NLRC4: variants seen among roughly 807,000 people sequenced by gnomAD.
NLRC4 encodes the protein NLR family CARD domain containing 4.
A neutral mutation model predicts 79.9 loss-of-function variants in NLRC4; 63 were observed. The ratio of observed to expected loss-of-function variants is 0.79; its 90% CI spans 0.64 to 0.97. The LOEUF is 0.97. NLRC4 is among the 50% of genes least tolerant of loss of function. NLRC4 has a pLI of 0.00. For missense variants in NLRC4, 1,074 were observed against 1,215.2 expected, an observed-to-expected ratio of 0.88 and a Z score of 1.73; for synonymous variants, 461 against 456.5, an observed-to-expected ratio of 1.01 and a Z score of -0.12.
chr2:32,240,709 C>A (rs1217031038), intron 5 of NLRC4, among the ~76,000 whole-genome samples: 2 of 151,974 alleles, frequency 1.3e-5, no homozygotes, highest in East Asian at 1.9e-4. Context: ...TGTTTCTATG[C>A]AACTATGAAA....
chr2:32,255,616 T>C lies in NLRC4; in HGVS notation c.1+1159A>G, dbSNP rs373020375. ...AGCCTAGCCTTCCTGAGACTACCTT[T>C]CTTCACCTATAAAATGAAGACACGT... On this transcript the variant is annotated intron_variant, in intron 2 of 8. Transcript: ENST00000402280. 1.6e-4 allele frequency among the ~76,000 whole-genome samples: 24 copies of C among 152,174 alleles called. No individual in the cohort carries two copies. In the South Asian group the frequency reaches 4.2e-3, roughly 26 times the overall value.
intron 4 of NLRC4, 148 bp downstream of exon 4, chr2:32,249,459 T>G (rs1452702586): frequency 1.5e-6 from 1 of 680,038 alleles, no homozygotes; most frequent in African/African-American, 1.8e-5. Flanking sequence ...TGGTCTTGGT[T>G]GGAGGCATGT....
In NLRC4 at chr2:32,252,578, G is replaced by A. The variant is rs554864659; in HGVS notation, c.103C>T (p.Arg35Cys). 5 of 1,614,108 alleles carry A rather than the reference G, an allele frequency of 3.1e-6. No homozygotes were observed. The highest frequency in any genetic ancestry group is 2.2e-5 in the East Asian group (1 of 44,884). Reference protein sequence around the residue: ...DDLFVWNVLNREEVNIICCEK... With the variant: ...DDLFVWNVLNCEEVNIICCEK... ...CAGCAAATGATGTTTACTTCTTCGC[G>A]ATTCAGAACATTCCATACAAATAGG... The change falls in exon 3 of 9, where the codon CGC (arginine) becomes TGC (cysteine). Residue 35 changes from arginine to cysteine, a missense_variant. Transcript: ENST00000402280.
Position 32,249,503 on chromosome 2 carries a change from G to A in NLRC4, c.2257+104C>T, listed in dbSNP as rs894119516. 5.7e-5 allele frequency: 57 copies of A among 991,430 alleles called. No homozygotes were observed. The African/African-American group carries it at 8.6e-4, about 15-fold the overall frequency. The allele number at this position is 991,430 out of a possible 1,614,324, so 61.4% of individuals were successfully genotyped here. ...CTGTGGGATGGCCACCTTGCAGGCT[G>A]TAACCCTTTAGAAGAAATAAAGTCT... On this transcript the variant is annotated intron_variant, in intron 4 of 8. Coordinates refer to ENST00000402280, the MANE Select transcript of NLRC4 (RefSeq NM_001199138.2).
At chr2:32,260,172 T>G (rs1687306501) in intron 1 of NLRC4, among the ~76,000 whole-genome samples, 1 of 122,974 alleles carries the variant, frequency 8.1e-6, no homozygotes, top group African/African-American at 3.2e-5. Context: ...GAGGTTGCAG[T>G]GAGCCAAGAT....
chr2:32,247,198 G>A (rs1242237059), intron 4 of NLRC4, among the ~76,000 whole-genome samples: 1 of 152,222 alleles, frequency 6.6e-6, no homozygotes, highest in Non-Finnish European at 1.5e-5. Flanking sequence ...AAGACTTGAA[G>A]TAGGGCAGGG....
chr2:32,243,752 C>G (rs976541770), intron 4 of NLRC4, among the ~76,000 whole-genome samples: 6 of 148,692 alleles, frequency 4.0e-5, no homozygotes, highest in African/African-American at 1.5e-4. Flanking sequence ...GAGCCGAGAT[C>G]GCATCATTGC....
chr2:32,238,619 C>T (rs1332563687), intron 5 of NLRC4, among the ~76,000 whole-genome samples: 1 of 151,754 alleles, frequency 6.6e-6, no homozygotes, highest in Admixed American at 6.6e-5. Flanking sequence ...TGAATGAAGT[C>T]TTCTAGAGCA....
Position 32,235,411 on chromosome 2 carries a change from A to G in NLRC4, c.2772T>C (p.Ile924=), listed in dbSNP as rs1368779722. The part of the protein sequence containing the change: ...LKNWRLTDTE[I]RILGAFFGKN... ...TATGTGTGTACCTACCTAAAATTCTAATCTCTGTATCTGTGAGTCTCCAGT... is the reference window on the plus strand; with the variant it reads ...TATGTGTGTACCTACCTAAAATTCTGATCTCTGTATCTGTGAGTCTCCAGT... The change falls in exon 8 of 9, where the codon ATT becomes ATC. Residue 924 remains isoleucine (I), a synonymous_variant. Coordinates refer to ENST00000402280, the MANE Select transcript of NLRC4 (RefSeq NM_001199138.2). The G allele has an allele frequency of 2.5e-6, 4 of 1,613,768 alleles. No homozygotes were observed. Among genetic ancestry groups the G allele is most frequent in the Admixed American group, 1.7e-5 (1 of 60,028 alleles).
intron 4 of NLRC4, among the ~76,000 whole-genome samples, chr2:32,246,380 A>C (rs927466891): frequency 6.6e-6 from 1 of 152,180 alleles, no homozygotes; most frequent in African/African-American, 2.4e-5. Context: ...TGACACCCAG[A>C]ATCTTACAGA....
chr2:32,257,433 C>A (rs1166819236), intron 1 of NLRC4, among the ~76,000 whole-genome samples: 1 of 151,920 alleles, frequency 6.6e-6, no homozygotes, highest in Non-Finnish European at 1.5e-5. Flanking sequence ...CATGGTGAAT[C>A]CTGTCTCTAT....
chr2:32,253,910 G>T (rs1032131073), intron 2 of NLRC4, among the ~76,000 whole-genome samples: 2 of 147,170 alleles, frequency 1.4e-5, no homozygotes, highest in African/African-American at 5.1e-5. Flanking sequence ...GTTGCGGTGA[G>T]CCGAGATGGT....
rs149060938 is a variant in NLRC4 at position 32,239,484 on chromosome 2, G to C, written c.2351-1182C>G. Among the ~76,000 whole-genome samples the C allele has an allele frequency of 1.8e-3, 279 of 152,106 alleles. 2 individuals are homozygous for C. Among genetic ancestry groups the C allele is most frequent in the African/African-American group, 6.5e-3 (270 of 41,484 alleles). On this transcript the variant is annotated intron_variant, in intron 5 of 8. Coordinates refer to ENST00000402280, the MANE Select transcript of NLRC4 (RefSeq NM_001199138.2). ...AGCATGAGCTTTGCAGTCAGTTCCT[G>C]GATCCCCTACTTAATAATTATAAAC...
Position 32,250,524 on chromosome 2 carries a change from T to G in NLRC4, c.1340A>C (p.Gln447Pro). 1 of 1,614,240 alleles carries G rather than the reference T, an allele frequency of 6.2e-7. No homozygotes were observed. Among genetic ancestry groups the G allele is most frequent in the Non-Finnish European group, 8.5e-7 (1 of 1,180,042 alleles). Residue 447 changes from glutamine (Q) to proline (P), a missense_variant, in exon 4 of 9, where the codon CAG (glutamine) becomes CCG (proline). Transcript: ENST00000402280. This position sits in a 1 kb window ranked among gnomAD's most constrained non-coding sequence, Gnocchi z 4.9. ...GAGTCTTCGTCCTGCTGTGTACTCC[T>G]GGAATGACTTGTGAAAGAATTTATA... ...PKYKFFHKSF[Q>P]EYTAGRRLSS...
At chr2:32,224,874 A>G in intron 8 of NLRC4, 109 bp from the exon 9 acceptor site, 1 of 645,666 alleles carries the variant, frequency 1.5e-6, no homozygotes, top group Non-Finnish European at 2.6e-6. Flanking sequence ...TGAAATGGCC[A>G]TGTTTGAACC....
rs1687023046 is a variant in NLRC4, at chr2:32,249,787, G to A, written c.2077C>T (p.Gln693Ter). The A allele has an allele frequency of 6.2e-7, 1 of 1,614,176 alleles. No homozygotes were observed. The highest frequency in any genetic ancestry group is 8.5e-7 in the Non-Finnish European group (1 of 1,180,020). ...GCCACACCAGCACATCTCTTTATTT[G>A]CAGCCTGAGGCTTGTGGCAGAGCTG... ...IFSSATSLRL[Q>*]IKRCAGVAGS... Residue 693 changes from glutamine to a stop codon, truncating the protein, a stop_gained, in exon 4 of 9, where the codon CAA (glutamine) becomes TAA (stop). Transcript: ENST00000402280. LOFTEE classifies it high-confidence loss of function.
At chr2:32,247,108 C>T (rs1444136692) in intron 4 of NLRC4, among the ~76,000 whole-genome samples, 2 of 152,126 alleles carry the variant, frequency 1.3e-5, no homozygotes, top group Non-Finnish European at 2.9e-5. Context: ...GTATCTTCTA[C>T]AATTTCCCAG....
intron 4 of NLRC4, among the ~76,000 whole-genome samples, chr2:32,248,808 T>C (rs1686999364): frequency 6.6e-6 from 1 of 152,138 alleles, no homozygotes; most frequent in Admixed American, 6.5e-5. Context: ...CTGTCGTAAC[T>C]GCCACAGATT....
In NLRC4 at chr2:32,252,601, A is replaced by C. The variant is rs2148943890; in HGVS notation, c.80T>G (p.Leu27Arg). 1 of 1,614,050 alleles carries C rather than the reference A, an allele frequency of 6.2e-7. No individual in the cohort carries two copies. Among genetic ancestry groups the C allele is most frequent in the Middle Eastern group, 1.6e-4 (1 of 6,062 alleles). ...MTVIKQITDD[L>R]FVWNVLNREE... ...GCGATTCAGAACATTCCATACAAAT[A>C]GGTCATCTGTGATTTGCTTTATAAC... Residue 27 changes from leucine to arginine, a missense_variant, in exon 3 of 9, where the codon CTA becomes CGA. By Grantham distance (102) the Leu-to-Arg change is moderately radical. Coordinates refer to ENST00000402280, the MANE Select transcript of NLRC4 (RefSeq NM_001199138.2).
Sources: allele counts gnomAD v4.1 joint callset (sites outside exome capture counted in the v4.1 genomes callset), GRCh38; gene constraint gnomAD v4.1.1; non-coding constraint Gnocchi (gnomAD v3.1); transcripts MANE v1.5; gene names NCBI Gene and HGNC (gene_info 2026-07-23, HGNC 2026-07-21).